Variants in SGCD observed in about 807,000 individuals in gnomAD.
SGCD encodes sarcoglycan delta.
SGCD carries 18 observed loss-of-function variants against 36.6 expected under a neutral mutation model. The ratio of observed to expected loss-of-function variants is 0.49; its 90% CI spans 0.34 to 0.73. SGCD has a LOEUF of 0.73. Ranked by LOEUF, SGCD falls within the 30% of genes least tolerant of loss-of-function variation. The probability of loss-of-function intolerance (pLI) is 0.01; values close to 1 mark genes in which losing one functional copy is unlikely to be tolerated. For synonymous variants in SGCD, 133 were observed against 130.6 expected (o/e 1.02, Z -0.12); for missense variants, 387 against 346.7 (o/e 1.12, Z -0.92).
chr5:156,706,530 T>A (rs999216215), intron 7 of SGCD, among the ~76,000 whole-genome samples: 1 of 152,074 alleles, frequency 6.6e-6, no homozygotes, highest in African/African-American at 2.4e-5. Context: ...TGCTCCTTCC[T>A]GTGTCATACT....
the SGCD span, among the ~76,000 whole-genome samples, chr5:155,791,458 G>T: frequency 6.6e-6 from 1 of 152,114 alleles, no homozygotes; most frequent in East Asian, 1.9e-4. Context: ...AGTAGAAAAA[G>T]AAGTCAAACT....
intron 3 of SGCD, among the ~76,000 whole-genome samples, chr5:156,189,073 G>A (rs1394748816): frequency 6.6e-6 from 1 of 152,164 alleles, no homozygotes; most frequent in Non-Finnish European, 1.5e-5. Flanking sequence ...CAGAGGGCCA[G>A]GGGAAGCTTT....
At chr5:155,978,014 A>C (rs1275997880) in intron 1 of SGCD, among the ~76,000 whole-genome samples, 2 of 152,056 alleles carry the variant, frequency 1.3e-5, no homozygotes, top group Non-Finnish European at 2.9e-5. Flanking sequence ...GTATCGCTTA[A>C]ACCTAGGCAG....
chr5:156,484,780 C>T (rs189437292), intron 3 of SGCD, among the ~76,000 whole-genome samples: 16 of 152,234 alleles, frequency 1.1e-4, no homozygotes, highest in Admixed American at 7.2e-4. Context: ...GAGTTTTTCT[C>T]GGGTCCCCTT....
chr5:156,129,008 A>G (rs574731803), intron 3 of SGCD, among the ~76,000 whole-genome samples: 1 of 152,304 alleles, frequency 6.6e-6, no homozygotes, highest in South Asian at 2.1e-4. Flanking sequence ...GAATAGTCAG[A>G]ACTAATCTAT....
the SGCD span, among the ~76,000 whole-genome samples, chr5:155,770,623 C>T: frequency 6.6e-6 from 1 of 152,062 alleles, no homozygotes; most frequent in Admixed American, 6.6e-5. Context: ...GGGTTTGAAG[C>T]AGGGAGGTGA....
At chr5:156,178,864 C>A (rs1296755791) in intron 3 of SGCD, among the ~76,000 whole-genome samples, 2 of 152,152 alleles carry the variant, frequency 1.3e-5, no homozygotes, top group East Asian at 3.9e-4. Context: ...CCGCGCCCAG[C>A]CTGAATGTAT....
At chr5:156,285,680 G>A (rs1239327301) in intron 3 of SGCD, among the ~76,000 whole-genome samples, 1 of 152,052 alleles carries the variant, frequency 6.6e-6, no homozygotes, top group African/African-American at 2.4e-5. Context: ...AATTCAAGAT[G>A]GATTAAAGAC....
At chr5:156,691,456 AT>A (rs573289193) in intron 7 of SGCD, among the ~76,000 whole-genome samples, 4 of 152,016 alleles carry the variant, frequency 2.6e-5, no homozygotes, top group Non-Finnish European at 5.9e-5. Context: ...GGGTCAATAA[AT>A]TTTTTCTGTA....
intron 8 of SGCD, among the ~76,000 whole-genome samples, chr5:156,758,610 T>C (rs1757424640): frequency 6.6e-6 from 1 of 152,158 alleles, no homozygotes; most frequent in African/African-American, 2.4e-5. Context: ...CATATAAAAA[T>C]AGTGGCTACC....
chr5:156,420,481 T>C lies in SGCD; in HGVS notation c.192+75804T>C, dbSNP rs75073278. On this transcript the variant is annotated intron_variant, in intron 3 of 8. Transcript: ENST00000337851. ...ATTCTGTAGAATATACCAAATAATT[T>C]ATTACTTATTTTGTGTGGATTTCAC... 5.0e-3 allele frequency among the ~76,000 whole-genome samples: 762 copies of C among 152,268 alleles called. 33 individuals are homozygous for C. The East Asian group carries it at 0.088, about 18-fold the overall frequency.
chr5:156,314,140 A>G (rs1767455699), intron 3 of SGCD, among the ~76,000 whole-genome samples: 1 of 152,042 alleles, frequency 6.6e-6, no homozygotes, highest in African/African-American at 2.4e-5. Context: ...ATATAAAATT[A>G]ATGAAACATA....
rs542830617 is a variant in SGCD, at chr5:156,249,064, T to C, written c.-43-80470T>C. On this transcript the variant is annotated intron_variant, in intron 3 of 9. Transcript: ENST00000517913. ...AGACACTAAATTAAAGATTTAAAGA[T>C]GCCTTTGAATATATAGATTTGGAGT... Among the ~76,000 whole-genome samples, 14 of 152,362 alleles carry C rather than the reference T, an allele frequency of 9.2e-5. No individual in the cohort carries two copies. The South Asian group carries it at 2.3e-3, about 25-fold the overall frequency.
At chr5:155,949,797 G>A (rs923175590) in intron 1 of SGCD, among the ~76,000 whole-genome samples, 2 of 152,152 alleles carry the variant, frequency 1.3e-5, no homozygotes, top group Admixed American at 1.3e-4. Context: ...CCGCAAAGCT[G>A]AAAATATTTA....
chr5:155,850,757 T>A, the SGCD span, among the ~76,000 whole-genome samples: 17,184 of 152,162 alleles, frequency 0.11, 1,989 homozygotes, highest in African/African-American at 0.29. Flanking sequence ...CCCTTGCCCT[T>A]GACCTTCTCT....
chr5:155,962,269 G>T (rs1237275238), intron 1 of SGCD, among the ~76,000 whole-genome samples: 1 of 151,990 alleles, frequency 6.6e-6, no homozygotes, highest in African/African-American at 2.4e-5. Context: ...ATTCTATCAG[G>T]TGTCTGTCAG....
chr5:156,133,579 G>A (rs1762379390), intron 3 of SGCD, among the ~76,000 whole-genome samples: 1 of 152,060 alleles, frequency 6.6e-6, no homozygotes, highest in African/African-American at 2.4e-5. Context: ...CATGTAATGG[G>A]CCCAGTTCTA....
chr5:156,204,066 A>G (rs1332006804), intron 3 of SGCD, among the ~76,000 whole-genome samples: 1 of 152,136 alleles, frequency 6.6e-6, no homozygotes, highest in Non-Finnish European at 1.5e-5. Context: ...GTTTAAATTC[A>G]TAACTACATT....
chr5:155,784,711 GTA>G, the SGCD span, among the ~76,000 whole-genome samples: 4 of 149,286 alleles, frequency 2.7e-5, no homozygotes, highest in Non-Finnish European at 4.4e-5. Flanking sequence ...CACACAAAGA[GTA>G]TATGTTAAAA....
Sources: gnomAD v4.1 joint callset for allele counts (sites outside exome capture counted in the v4.1 genomes callset) on GRCh38, gnomAD v4.1.1 for gene constraint, MANE v1.5 for transcripts, NCBI Gene and HGNC (gene_info 2026-07-23, HGNC 2026-07-21) for gene names.